Variants in CAPN7 observed in about 807,000 individuals in gnomAD.
The protein encoded by CAPN7 is calpain-7.
A neutral mutation model predicts 115.2 loss-of-function variants in CAPN7; 72 were observed. The ratio of observed to expected loss-of-function variants is 0.63; its 90% CI spans 0.52 to 0.76. The LOEUF (loss-of-function observed/expected upper bound fraction) is 0.76. CAPN7 is among the 30% of genes least tolerant of loss of function. CAPN7 has a pLI of 0.00. For synonymous variants in CAPN7, 344 were observed against 322.3 expected (o/e 1.07, Z -0.72); for missense variants, 905 against 971.5 (o/e 0.93, Z 0.91).
At chr3:15,225,501 G>A (rs1694261530) in intron 6 of CAPN7, among the ~76,000 whole-genome samples, 1 of 152,080 alleles carries the variant, frequency 6.6e-6, no homozygotes, top group South Asian at 2.1e-4. Context: ...ATGTTATATA[G>A]CCATAAACAA....
chr3:15,221,008 TGAA>T (rs751212382), intron 5 of CAPN7, 27 bp downstream of exon 5: 55 of 1,561,994 alleles, frequency 3.5e-5, no homozygotes, highest in Non-Finnish European at 4.1e-5. Context: ...TTAATTGTAA[TGAA>T]GAATTTTGTT....
chr3:15,247,591 GA>G, intron 19 of CAPN7, 134 bp downstream of exon 19: 1 of 581,724 alleles, frequency 1.7e-6, no homozygotes, highest in Admixed American at 3.6e-5. Context: ...GTGGAGTGAG[GA>G]AAGGACAATC....
intron 16 of CAPN7, among the ~76,000 whole-genome samples, chr3:15,242,892 G>T (rs1325681271): frequency 1.3e-5 from 2 of 152,204 alleles, no homozygotes; most frequent in African/African-American, 2.4e-5. Flanking sequence ...CTTAGTGAGA[G>T]AAACTATCTT....
rs200570600 is a variant in CAPN7 at position 15,247,520 on chromosome 3, A to C, written c.2204+63A>C. 3 of 1,417,092 alleles carry C rather than the reference A, an allele frequency of 2.1e-6. No individual in the cohort carries two copies. In the East Asian group the frequency reaches 7.2e-5, roughly 34 times the overall value. The allele number at this position is 1,417,092 out of a possible 1,614,324, so 87.8% of individuals were successfully genotyped here. A position where few individuals can be genotyped will look rare whatever the true frequency, so the allele number is the denominator to read the frequency against. ...TATTACAAATGAACATAGTATAACA[A>C]AAAAGTTTAGAAACAGACCTAAGCA... is the stretch of plus-strand genomic sequence containing the variant. On this transcript the variant is annotated intron_variant, in intron 19 of 20. Transcript: ENST00000253693.
At chr3:15,208,820 A>ATATAC (rs2044775759) in intron 1 of CAPN7, among the ~76,000 whole-genome samples, 1 of 152,136 alleles carries the variant, frequency 6.6e-6, no homozygotes, top group Non-Finnish European at 1.5e-5. Flanking sequence ...GGATTTGCAA[A>ATATAC]TATACCCCTC....
At chr3:15,250,824 T>A in intron 19 of CAPN7, 107 bp from the exon 20 acceptor site, 2 of 764,986 alleles carry the variant, frequency 2.6e-6, no homozygotes, top group Non-Finnish European at 4.4e-6. Context: ...CTACTGAAAC[T>A]TCAGAAACAT....
intron 4 of CAPN7, among the ~76,000 whole-genome samples, chr3:15,220,477 A>G (rs1693912039): frequency 6.6e-6 from 1 of 152,204 alleles, no homozygotes; most frequent in Non-Finnish European, 1.5e-5. Flanking sequence ...GTCTTTCCCT[A>G]CAAAACTATG....
rs145407350 is a variant in CAPN7 at position 15,214,741 on chromosome 3, G to A, written c.211+2529G>A. On this transcript the variant is annotated intron_variant, in intron 2 of 20. Coordinates refer to ENST00000253693, the MANE Select transcript of CAPN7 (RefSeq NM_014296.3). ...CGAAAAATAAAAAGTAAAATTAACC[G>A]TCGTAGTACAGAGTTCAAGACTTGG... 1.7e-3 allele frequency among the ~76,000 whole-genome samples: 255 copies of A among 152,180 alleles called. 2 individuals are homozygous for A. The highest frequency in any genetic ancestry group is 5.4e-3 in the African/African-American group (223 of 41,516).
chr3:15,242,518 TTTACTC>T (rs1483812869), intron 16 of CAPN7, among the ~76,000 whole-genome samples: 1 of 152,210 alleles, frequency 6.6e-6, no homozygotes, highest in Non-Finnish European at 1.5e-5. Flanking sequence ...AATGATGTCT[TTTACTC>T]TAATCAAATG....
chr3:15,236,001 G>T (rs7627408), intron 12 of CAPN7, among the ~76,000 whole-genome samples: 18,924 of 151,840 alleles, frequency 0.12, 3,938 homozygotes, highest in African/African-American at 0.43. Flanking sequence ...AGACCCCACC[G>T]CTACAAAAAA....
intron 6 of CAPN7, among the ~76,000 whole-genome samples, chr3:15,225,319 C>T (rs1214691156): frequency 2.0e-5 from 3 of 152,120 alleles, no homozygotes; most frequent in South Asian, 2.1e-4. Flanking sequence ...CTCAAAAATT[C>T]GTACGAAAGC....
Position 15,206,495 on chromosome 3 carries a change from C to T in CAPN7, c.-1C>T, listed in dbSNP as rs1489275736. The T allele has an allele frequency of 1.3e-6, 2 of 1,546,030 alleles. No homozygotes were observed. Among genetic ancestry groups the T allele is most frequent in the Non-Finnish European group, 1.7e-6 (2 of 1,145,636 alleles). On this transcript the variant is annotated 5_prime_UTR_variant, in exon 1 of 21. Coordinates refer to ENST00000253693, the MANE Select transcript of CAPN7 (RefSeq NM_014296.3). ...CTGCCCCGGCGCGGGGCCACTGCGC[C>T]ATGGACGCCACAGCACTGGAGCGGG...
At chr3:15,223,808 G>A (rs1205370927) in intron 6 of CAPN7, among the ~76,000 whole-genome samples, 1 of 152,170 alleles carries the variant, frequency 6.6e-6, no homozygotes, top group East Asian at 1.9e-4. Flanking sequence ...CTGGTGTAAA[G>A]TAAGTACTCC....
chr3:15,206,689 A>G (rs1157278041), intron 1 of CAPN7, 92 bp downstream of exon 1: 12 of 924,156 alleles, frequency 1.3e-5, no homozygotes, highest in Non-Finnish European at 1.9e-5. Context: ...TGCGGAGGCT[A>G]GCGGCCCCGG....
In CAPN7 at chr3:15,240,377, A is replaced by T; in HGVS notation, c.1408-96A>T. ...TTTCAAGTTGATTTGAGGGGAAAAG[A>T]ATTGATAAGTACTCAGTTCATCCTC... On this transcript the variant is annotated intron_variant, in intron 12 of 20. Coordinates refer to ENST00000253693, the MANE Select transcript of CAPN7 (RefSeq NM_014296.3). The T allele has an allele frequency of 2.8e-6, 3 of 1,087,582 alleles. No homozygotes were observed. In the South Asian group the frequency reaches 4.3e-5, roughly 15 times the overall value. The allele number at this position is 1,087,582 out of a possible 1,614,324, so 67.4% of individuals were successfully genotyped here.
rs1332736857 is a variant in CAPN7 at position 15,206,524 on chromosome 3, C to T, written c.29C>T (p.Ala10Val). ...GACGCCACAGCACTGGAGCGGGACG[C>T]TGTGCAGTTCGCCCGTCTGGCGGTT... MDATALERD[A>V]VQFARLAVQR... The change falls in exon 1 of 21, where the codon GCT becomes GTT. Residue 10 changes from alanine to valine, a missense_variant. By Grantham distance (64) the Ala-to-Val change is moderately conservative. This residue lies in a region of CAPN7 where 271 missense variants were observed against 239.6 expected (regional missense o/e 1.13). Coordinates refer to ENST00000253693, the MANE Select transcript of CAPN7 (RefSeq NM_014296.3). 11 of 1,554,416 alleles carry T rather than the reference C, an allele frequency of 7.1e-6. No homozygotes were observed. Among genetic ancestry groups the T allele is most frequent in the Non-Finnish European group, 9.6e-6 (11 of 1,149,590 alleles).
rs898297911 is a variant in CAPN7, at chr3:15,212,261, A to T, written c.211+49A>T. ...GTCACTCTATTTTTTCTTTTCTCCC[A>T]TCATGTCTTTCCCCCATGTTTGTTT... is the stretch of plus-strand genomic sequence containing the variant. On this transcript the variant is annotated intron_variant, in intron 2 of 20. Coordinates refer to ENST00000253693, the MANE Select transcript of CAPN7 (RefSeq NM_014296.3). 3 of 993,886 alleles carry T rather than the reference A, an allele frequency of 3.0e-6. No individual in the cohort carries two copies. The East Asian group carries it at 7.7e-5, about 26-fold the overall frequency. 61.6% of individuals were successfully genotyped at this position (993,886 alleles called of 1,614,324 possible).
chr3:15,214,237 G>A (rs1377474063), intron 2 of CAPN7, among the ~76,000 whole-genome samples: 1 of 152,096 alleles, frequency 6.6e-6, no homozygotes, highest in East Asian at 1.9e-4. Context: ...TTCTGCTTTT[G>A]TTGAAGAAAT....
At chr3:15,210,495 A>G (rs1016976786) in intron 1 of CAPN7, among the ~76,000 whole-genome samples, 1 of 148,374 alleles carries the variant, frequency 6.7e-6, no homozygotes, top group Non-Finnish European at 1.5e-5. Flanking sequence ...TGAAATAGTT[A>G]TAGAATCTAA....
Sources: allele counts gnomAD v4.1 joint callset (sites outside exome capture counted in the v4.1 genomes callset), GRCh38; gene constraint gnomAD v4.1.1; regional missense constraint gnomAD v4.1.1; transcripts MANE v1.5; gene names NCBI Gene and HGNC (gene_info 2026-07-23, HGNC 2026-07-21).